CACNG5: variants seen among roughly 807,000 people sequenced by gnomAD.
The protein encoded by CACNG5 is calcium voltage-gated channel auxiliary subunit gamma 5, also known as voltage-dependent calcium channel gamma-5 subunit.
A neutral mutation model predicts 24.8 loss-of-function variants in CACNG5; 18 were observed. The ratio of observed to expected loss-of-function variants is 0.73; its 90% CI spans 0.50 to 1.08. The LOEUF (loss-of-function observed/expected upper bound fraction) is 1.08. CACNG5 is among the 50% of genes least tolerant of loss of function. The pLI, the probability that CACNG5 is intolerant of heterozygous loss-of-function variation, is 0.00. For missense variants in CACNG5, 349 were observed against 367.9 expected (o/e 0.95, Z 0.42); for synonymous variants, 157 against 149.1 (o/e 1.05, Z -0.39).
At chr17:66,858,391 G>A (rs938340557) in intron 1 of CACNG5, among the ~76,000 whole-genome samples, 1 of 152,150 alleles carries the variant, frequency 6.6e-6, no homozygotes, top group African/African-American at 2.4e-5. Context: ...AGCCATTCCT[G>A]TATTATTGAT....
rs528322141 is a variant in CACNG5 at position 66,893,458 on chromosome 17, C to T, written c.*8218C>T. Among the ~76,000 whole-genome samples the T allele has an allele frequency of 5.9e-5, 9 of 152,318 alleles. No individual in the cohort carries two copies. The highest frequency in any genetic ancestry group is 2.1e-4 in the South Asian group (1 of 4,822). On this transcript the variant is annotated 3_prime_UTR_variant, in exon 6 of 6. Coordinates refer to ENST00000533854, the MANE Select transcript of CACNG5 (RefSeq NM_145811.3). ...CTGTGGTCAGCCCGTGGTGGAACCTCGCCACACTCTTGTTCTGGATAAATT... is the reference window on the plus strand; with the variant it reads ...CTGTGGTCAGCCCGTGGTGGAACCTTGCCACACTCTTGTTCTGGATAAATT...
chr17:66,876,637 G>A (rs775439882), intron 1 of CACNG5, among the ~76,000 whole-genome samples: 29 of 152,318 alleles, frequency 1.9e-4, no homozygotes, highest in Non-Finnish European at 3.7e-4. Context: ...ACCAAGTGCT[G>A]CAACTTATTA....
At chr17:66,854,067 G>A (rs1976739925) in intron 1 of CACNG5, among the ~76,000 whole-genome samples, 2 of 152,094 alleles carry the variant, frequency 1.3e-5, no homozygotes, top group African/African-American at 4.8e-5. Context: ...ACCAACATAT[G>A]TAAATCAATA....
rs115724018 is a variant in CACNG5 at position 66,888,090 on chromosome 17, A to G, written c.*2850A>G. ...GGGTAGACTAATAAACCCAAGTGTC[A>G]TGATTTATGGAATAAAATAACTTGG... On this transcript the variant is annotated 3_prime_UTR_variant, in exon 6 of 6. Coordinates refer to ENST00000533854, the MANE Select transcript of CACNG5 (RefSeq NM_145811.3). Among the ~76,000 whole-genome samples the G allele has an allele frequency of 2.0e-4, 30 of 152,170 alleles. No homozygotes were observed. Among genetic ancestry groups the G allele is most frequent in the African/African-American group, 6.7e-4 (28 of 41,514 alleles).
chr17:66,874,245 G>A (rs1198447570), intron 1 of CACNG5, among the ~76,000 whole-genome samples: 3 of 152,168 alleles, frequency 2.0e-5, no homozygotes, highest in Admixed American at 1.3e-4. Flanking sequence ...GCCTAACAAT[G>A]ATAAACGTTC....
intron 1 of CACNG5, among the ~76,000 whole-genome samples, chr17:66,859,064 C>A (rs921643744): frequency 1.3e-5 from 2 of 152,186 alleles, no homozygotes; most frequent in African/African-American, 2.4e-5. Flanking sequence ...ACCCAGGCAG[C>A]CAGGCGCTCA....
intron 4 of CACNG5, among the ~76,000 whole-genome samples, chr17:66,881,031 G>A (rs993048059): frequency 6.6e-5 from 10 of 152,206 alleles, no homozygotes; most frequent in African/African-American, 1.2e-4. Flanking sequence ...GAGCCACTGT[G>A]CCCAGCCACC....
In CACNG5 at chr17:66,884,572, C is replaced by T. The variant is rs1357946909; in HGVS notation, c.481C>T (p.Leu161Phe). ...LYISSINDEM[L>F]NRTKDAETYF... The stretch of plus-strand genomic sequence containing the variant: ...CATCTCCAGCATCAACGATGAGATG[C>T]TCAACAGGACCAAGGATGCAGAGAC... The change falls in exon 5 of 6, where the codon CTC becomes TTC. Residue 161 changes from leucine (L) to phenylalanine (F), a missense_variant. Transcript: ENST00000533854. The T allele has an allele frequency of 6.2e-7, 1 of 1,614,104 alleles. No individual in the cohort carries two copies. The highest frequency in any genetic ancestry group is 1.7e-5 in the Admixed American group (1 of 60,028).
At chr17:66,863,387 G>GA (rs1379458334) in intron 1 of CACNG5, among the ~76,000 whole-genome samples, 1 of 151,648 alleles carries the variant, frequency 6.6e-6, no homozygotes, top group Admixed American at 6.6e-5. Flanking sequence ...GTTGTTTTCA[G>GA]ATGGAGTCTC....
intron 1 of CACNG5, among the ~76,000 whole-genome samples, chr17:66,875,139 ACT>A (rs1273488122): frequency 6.6e-6 from 1 of 151,736 alleles, no homozygotes; most frequent in Admixed American, 6.6e-5. Context: ...CAGCTCGCAA[ACT>A]CTGCAAGCGG....
Position 66,880,764 on chromosome 17 carries a change from C to CA in CACNG5, c.424+68dup, listed in dbSNP as rs1338197370. The CA allele has an allele frequency of 5.1e-6, 8 of 1,574,206 alleles. No homozygotes were observed. In the Admixed American group the frequency reaches 6.9e-5, roughly 14 times the overall value. ...TGTTTTTTGTTTTTTGTTTTTGAGA[C>CA]AGAGTCTTGCTCTGGCACCCACGCT... On this transcript the variant is annotated intron_variant, in intron 4 of 5. Transcript: ENST00000533854.
At position 66,885,327 on chromosome 17, in the gene CACNG5, G is replaced by A. The variant is rs879013872; in HGVS notation, c.*87G>A. 4.7e-5 allele frequency: 69 copies of A among 1,460,476 alleles called. No homozygotes were observed. In the East Asian group the frequency reaches 7.3e-4, roughly 15 times the overall value. The allele number at this position is 1,460,476 out of a possible 1,614,324, so 90.5% of individuals were successfully genotyped here. Reference sequence around the variant, plus strand: ...GTGACCCCTGAGCCCCAGGCCTGTGGTTGACAGGCCCAGGCCACCCATGCT... The same window carrying A: ...GTGACCCCTGAGCCCCAGGCCTGTGATTGACAGGCCCAGGCCACCCATGCT... On this transcript the variant is annotated 3_prime_UTR_variant, in exon 6 of 6. Transcript: ENST00000533854.
rs1489262326 is a variant in CACNG5 at position 66,893,179 on chromosome 17, T to G, written c.*7939T>G. On this transcript the variant is annotated 3_prime_UTR_variant, in exon 6 of 6. Transcript: ENST00000533854. ...TCTGCTCTGCAAGTCCTGTTTCAAG[T>G]GCACCCCCAAGAGCATGGCACCTAC... Among the ~76,000 whole-genome samples the G allele has an allele frequency of 6.6e-6, 1 of 152,296 alleles. No homozygotes were observed. Among genetic ancestry groups the G allele is most frequent in the South Asian group, 2.1e-4 (1 of 4,820 alleles).
At chr17:66,855,439 C>T (rs1976762185) in intron 1 of CACNG5, among the ~76,000 whole-genome samples, 1 of 152,204 alleles carries the variant, frequency 6.6e-6, no homozygotes, top group Non-Finnish European at 1.5e-5. Flanking sequence ...TGGGCATTGC[C>T]CCTTAGCTCC....
At chr17:66,850,843 G>T (rs1023024518) in intron 1 of CACNG5, among the ~76,000 whole-genome samples, 1 of 152,108 alleles carries the variant, frequency 6.6e-6, no homozygotes, top group Non-Finnish European at 1.5e-5. Flanking sequence ...CACTTCAGAA[G>T]GTTTTAAAAT....
chr17:66,875,876 G>A (rs932190605), intron 1 of CACNG5, among the ~76,000 whole-genome samples: 2 of 152,174 alleles, frequency 1.3e-5, no homozygotes, highest in Non-Finnish European at 2.9e-5. Flanking sequence ...GTTGCCCCAG[G>A]CCTCATTCTC....
In CACNG5 at chr17:66,885,335, GC is replaced by G. The variant is rs2143134468; in HGVS notation, c.*98del. On this transcript the variant is annotated 3_prime_UTR_variant, in exon 6 of 6. Coordinates refer to ENST00000533854, the MANE Select transcript of CACNG5 (RefSeq NM_145811.3). ...TGAGCCCCAGGCCTGTGGTTGACAG[GC>G]CCAGGCCACCCATGCTTAGCTGTTG... The G allele has an allele frequency of 7.0e-7, 1 of 1,434,684 alleles. No homozygotes were observed. The highest frequency in any genetic ancestry group is 9.3e-7 in the Non-Finnish European group (1 of 1,075,278). 88.9% of individuals were successfully genotyped at this position (1,434,684 alleles called of 1,614,324 possible).
chr17:66,835,175 C>T lies in CACNG5; in HGVS notation c.-179C>T, dbSNP rs145770388. ...GGCGGGCGTCCCGGGCAGCCTAGCG[C>T]GGTACCTCCCGCCCCGCGCGCCCAG... is the stretch of plus-strand genomic sequence containing the variant. On this transcript the variant is annotated 5_prime_UTR_variant, in exon 1 of 6. Coordinates refer to ENST00000533854, the MANE Select transcript of CACNG5 (RefSeq NM_145811.3). 13,293 of 152,278 alleles carry T rather than the reference C, an allele frequency of 0.087. 783 individuals carry two copies. The highest frequency in any genetic ancestry group is 0.13 in the Non-Finnish European group (8,841 of 68,012). 9.4% of individuals were successfully genotyped at this position (152,278 alleles called of 1,614,324 possible). A position where few individuals can be genotyped will look rare whatever the true frequency, so the allele number is the denominator to read the frequency against.
At chr17:66,852,900 T>C (rs1355639959) in intron 1 of CACNG5, among the ~76,000 whole-genome samples, 1 of 145,194 alleles carries the variant, frequency 6.9e-6, no homozygotes, top group Non-Finnish European at 1.5e-5. Flanking sequence ...TCTTTCTCTC[T>C]TCTCTCTCTT....
Sources: gnomAD v4.1 joint callset for allele counts (sites outside exome capture counted in the v4.1 genomes callset) on GRCh38, gnomAD v4.1.1 for gene constraint, MANE v1.5 for transcripts, NCBI Gene and HGNC (gene_info 2026-07-23, HGNC 2026-07-21) for gene names.